Variants in PAPPA2 observed in about 807,000 individuals in gnomAD.
The protein encoded by PAPPA2 is pappalysin-2.
In PAPPA2, 86 loss-of-function variants were observed where a neutral mutation model predicts 176.4. The observed-to-expected ratio is 0.49, with a 90% CI of 0.41 to 0.58. The LOEUF is 0.58. Ranked by LOEUF, PAPPA2 falls within the 20% of genes least tolerant of loss-of-function variation. The pLI, the probability that PAPPA2 is intolerant of heterozygous loss-of-function variation, is 0.00. For missense variants in PAPPA2, 2,073 were observed against 2,256.9 expected (o/e 0.92, Z 1.65); for synonymous variants, 809 against 852.2 (o/e 0.95, Z 0.88).
chr1:176,603,636 C>T (rs1654449033), intron 3 of PAPPA2, among the ~76,000 whole-genome samples: 1 of 152,196 alleles, frequency 6.6e-6, no homozygotes, highest in East Asian at 1.9e-4. Flanking sequence ...CTTCAAGTCT[C>T]AACTAGGATG....
At chr1:176,570,404 T>C (rs1366781042) in intron 2 of PAPPA2, among the ~76,000 whole-genome samples, 1 of 152,214 alleles carries the variant, frequency 6.6e-6, no homozygotes, top group Admixed American at 6.5e-5. Context: ...CTGATGCTTC[T>C]TGAGCACAAA....
chr1:176,774,645 G>A lies in PAPPA2; in HGVS notation c.4715+3465G>A, dbSNP rs114432607. Among the ~76,000 whole-genome samples the A allele has an allele frequency of 7.5e-3, 1,136 of 152,198 alleles. 11 individuals carry two copies. The highest frequency in any genetic ancestry group is 0.012 in the Non-Finnish European group (831 of 67,998). ...CTCTGAACTGATCTTTCTGTCTCCA[G>A]TCTTTTCTCCTTCAACATATTCACC... On this transcript the variant is annotated intron_variant, in intron 17 of 22. Coordinates refer to ENST00000367662, the MANE Select transcript of PAPPA2 (RefSeq NM_020318.3).
chr1:176,814,876 A>T (rs928567821), intron 21 of PAPPA2, among the ~76,000 whole-genome samples: 1 of 152,176 alleles, frequency 6.6e-6, no homozygotes, highest in Non-Finnish European at 1.5e-5. Flanking sequence ...TTCAAGGGGA[A>T]TGCTTCCAGA....
chr1:176,734,544 C>T (rs775613965), intron 12 of PAPPA2, among the ~76,000 whole-genome samples: 3 of 152,018 alleles, frequency 2.0e-5, no homozygotes, highest in African/African-American at 4.8e-5. Context: ...TAAAAACAGG[C>T]TCCAACCACA....
intron 22 of PAPPA2, 145 bp downstream of exon 22, chr1:176,840,416 CT>C (rs1667444126): frequency 1.5e-6 from 1 of 654,546 alleles, no homozygotes; most frequent in Admixed American, 2.7e-5. Context: ...ATTGGAGCTT[CT>C]AAAGTGACAG....
intron 1 of PAPPA2, among the ~76,000 whole-genome samples, chr1:176,534,923 C>A (rs561592911): frequency 6.6e-6 from 1 of 152,140 alleles, no homozygotes; most frequent in Admixed American, 6.6e-5. Flanking sequence ...ACACTCAAAT[C>A]CTTTGCAAAT....
At position 176,671,056 on chromosome 1, in the gene PAPPA2, G is replaced by C; in HGVS notation, c.2078G>C (p.Arg693Pro). 2.5e-6 allele frequency: 4 copies of C among 1,613,976 alleles called. No homozygotes were observed. Among genetic ancestry groups the C allele is most frequent in the African/African-American group, 1.3e-5 (1 of 75,034 alleles). ...AACATCTACTTTGCCAGCTCAGTGC[G>C]GGAAGACCTTGCAGGTGCTGCCACC... is the stretch of plus-strand genomic sequence containing the variant. ...FLNIYFASSV[R>P]EDLAGAATWP... Residue 693 changes from arginine (R) to proline (P), a missense_variant, in exon 4 of 23, where the codon CGG becomes CCG. Coordinates refer to ENST00000367662, the MANE Select transcript of PAPPA2 (RefSeq NM_020318.3).
In PAPPA2 at chr1:176,769,731, C is replaced by A. The variant is rs780852643; in HGVS notation, c.4448C>A (p.Thr1483Asn). The A allele has an allele frequency of 6.2e-7, 1 of 1,612,954 alleles. No homozygotes were observed. Among genetic ancestry groups the A allele is most frequent in the Non-Finnish European group, 8.5e-7 (1 of 1,179,766 alleles). Residue 1483 changes from threonine (T) to asparagine (N), a missense_variant, in exon 16 of 23, where the codon ACC (threonine) becomes AAC (asparagine). This residue lies in a region of PAPPA2 where 846 missense variants were observed against 857.9 expected (regional missense o/e 0.99). Transcript: ENST00000367662. ...NYANFSCSEG[T>N]KFLKRCSISC... ...GCAAACTTCTCCTGCTCAGAGGGAA[C>A]CAAATTTCTGAAACGCTGCTCAATC...
At chr1:176,588,877 C>G (rs2102641323) in intron 2 of PAPPA2, among the ~76,000 whole-genome samples, 1 of 152,316 alleles carries the variant, frequency 6.6e-6, no homozygotes, top group African/African-American at 2.4e-5. Flanking sequence ...GCCTCAAGAA[C>G]AGGCACACAG....
At chr1:176,711,088 G>C (rs954837368) in intron 11 of PAPPA2, among the ~76,000 whole-genome samples, 1 of 152,066 alleles carries the variant, frequency 6.6e-6, no homozygotes, top group African/African-American at 2.4e-5. Context: ...GCCTCTTACT[G>C]GTCAGATCCA....
chr1:176,673,872 A>G (rs1659149136), intron 4 of PAPPA2, among the ~76,000 whole-genome samples: 2 of 152,108 alleles, frequency 1.3e-5, no homozygotes, highest in Admixed American at 1.3e-4. Context: ...ACATAGAGGC[A>G]GAGCAGAGAG....
At chr1:176,655,423 A>G (rs539762888) in intron 3 of PAPPA2, among the ~76,000 whole-genome samples, 1 of 151,960 alleles carries the variant, frequency 6.6e-6, no homozygotes, top group South Asian at 2.1e-4. Flanking sequence ...AAACAACTCA[A>G]AAATAAAAGA....
chr1:176,805,083 CTTCCTTCCTTTT>C (rs1267687585), intron 21 of PAPPA2, among the ~76,000 whole-genome samples: 6 of 146,734 alleles, frequency 4.1e-5, no homozygotes, highest in Non-Finnish European at 9.2e-5. Flanking sequence ...TCCTTCCTTC[CTTCCTTCCTTTT>C]ATTTTTCCTT....
intron 21 of PAPPA2, among the ~76,000 whole-genome samples, chr1:176,829,965 T>A (rs1316654697): frequency 6.6e-6 from 1 of 152,144 alleles, no homozygotes; most frequent in Non-Finnish European, 1.5e-5. Flanking sequence ...TCTGGAAGAG[T>A]CTACTGTGAA....
At chr1:176,779,632 C>T (rs183636752) in intron 17 of PAPPA2, among the ~76,000 whole-genome samples, 16 of 152,050 alleles carry the variant, frequency 1.1e-4, no homozygotes, top group Admixed American at 3.9e-4. Flanking sequence ...CATTGTACTG[C>T]GTGGTTTAAA....
At chr1:176,700,092 CT>C (rs1660582679) in intron 8 of PAPPA2, among the ~76,000 whole-genome samples, 1 of 152,312 alleles carries the variant, frequency 6.6e-6, no homozygotes, top group South Asian at 2.1e-4. Flanking sequence ...ATTTTCCCCC[CT>C]CACACCCCAA....
chr1:176,508,191 A>G (rs996947080), intron 1 of PAPPA2, among the ~76,000 whole-genome samples: 4 of 152,202 alleles, frequency 2.6e-5, no homozygotes, highest in African/African-American at 9.6e-5. Context: ...AGACTACGAA[A>G]TCCATCATTC....
At chr1:176,508,929 T>A (rs982892351) in intron 1 of PAPPA2, among the ~76,000 whole-genome samples, 65 of 152,184 alleles carry the variant, frequency 4.3e-4, no homozygotes, top group Admixed American at 1.1e-3. Flanking sequence ...ACCTTTTTTT[T>A]AAAAATAAAT....
intron 12 of PAPPA2, among the ~76,000 whole-genome samples, chr1:176,738,664 A>G (rs1662530420): frequency 6.6e-6 from 1 of 152,120 alleles, no homozygotes; most frequent in Non-Finnish European, 1.5e-5. Flanking sequence ...ATATAACACC[A>G]GGGAAAGTTG....
Sources: gnomAD v4.1 joint callset for allele counts (sites outside exome capture counted in the v4.1 genomes callset) on GRCh38, gnomAD v4.1.1 for gene constraint, gnomAD v4.1.1 regional missense constraint, MANE v1.5 for transcripts, NCBI Gene and HGNC (gene_info 2026-07-23, HGNC 2026-07-21) for gene names.